The following MALRD1 variants were observed in gnomAD, a reference collection of about 807,000 sequenced individuals.
MALRD1 encodes MAM and LDL receptor class A domain containing 1, also known as MAM and LDL-receptor class A domain-containing protein 1.
A neutral mutation model predicts 242.1 loss-of-function variants in MALRD1; 247 were observed. That is an observed-to-expected ratio of 1.02 (90% CI 0.92 to 1.13). The LOEUF (loss-of-function observed/expected upper bound fraction) is 1.13, where lower values mean the gene tolerates loss of function less well. MALRD1 is among the 50% of genes most tolerant of loss of function. The pLI is 0.00. For missense variants in MALRD1, 2,989 were observed against 2,533.1 expected, an observed-to-expected ratio of 1.18 and a Z score of -3.86; for synonymous variants, 995 against 866.6, an observed-to-expected ratio of 1.15 and a Z score of -2.60.
chr10:19,209,822 G>T (rs187926123), intron 18 of MALRD1, 142 bp downstream of exon 18: 7 of 843,020 alleles, frequency 8.3e-6, no homozygotes, highest in African/African-American at 6.9e-5. Context: ...TTATTTGAGG[G>T]TGTATCAAAG....
At chr10:19,587,476 A>T (rs1589273326) in intron 33 of MALRD1, among the ~76,000 whole-genome samples, 1 of 152,218 alleles carries the variant, frequency 6.6e-6, no homozygotes, top group Non-Finnish European at 1.5e-5. Context: ...TAAACATATT[A>T]ATCATAAAGG....
intron 28 of MALRD1, among the ~76,000 whole-genome samples, chr10:19,430,112 T>G (rs865884044): frequency 4.3e-5 from 1 of 23,288 alleles, no homozygotes; most frequent in Admixed American, 3.2e-4. Context: ...TCCATTTTCC[T>G]TTTTTTTTTT....
At chr10:19,298,502 C>CAAGGGGAA (rs111844021) in intron 21 of MALRD1, among the ~76,000 whole-genome samples, 4,196 of 151,586 alleles carry the variant, frequency 0.028, 89 homozygotes, top group South Asian at 0.068. Flanking sequence ...GGAAGGGAAG[C>CAAGGGGAA]AAGGGGAAAA....
At chr10:19,567,843 A>T (rs1383848271) in intron 33 of MALRD1, 140 bp downstream of exon 33, 1 of 722,224 alleles carries the variant, frequency 1.4e-6, no homozygotes, top group Non-Finnish European at 2.2e-6. Flanking sequence ...ACATATACTA[A>T]GAAGTAAAGT....
At chr10:19,291,149 A>G (rs1049614807) in intron 21 of MALRD1, among the ~76,000 whole-genome samples, 6 of 152,184 alleles carry the variant, frequency 3.9e-5, no homozygotes, top group Non-Finnish European at 8.8e-5. Context: ...AATGTTTAAT[A>G]TTAACACTTT....
At chr10:19,390,319 T>G (rs1020434022) in intron 28 of MALRD1, among the ~76,000 whole-genome samples, 2 of 152,210 alleles carry the variant, frequency 1.3e-5, no homozygotes, top group Non-Finnish European at 2.9e-5. Flanking sequence ...ACATTCTGGT[T>G]CTAAGCACAC....
chr10:19,166,774 A>C (rs568829350), intron 13 of MALRD1, among the ~76,000 whole-genome samples: 1 of 152,170 alleles, frequency 6.6e-6, no homozygotes, highest in Non-Finnish European at 1.5e-5. Flanking sequence ...TCTAATTTCT[A>C]CCTTCCTGTA....
chr10:19,595,568 C>A, intron 34 of MALRD1, 111 bp downstream of exon 34: 1 of 1,216,682 alleles, frequency 8.2e-7, no homozygotes, highest in African/African-American at 1.5e-5. Flanking sequence ...GTGATTGTAT[C>A]ATTAATAACA....
chr10:19,145,653 T>TAAA (rs71507276), intron 10 of MALRD1, among the ~76,000 whole-genome samples: 1 of 134,578 alleles, frequency 7.4e-6, no homozygotes, highest in African/African-American at 2.8e-5. Context: ...GACTCTGCCT[T>TAAA]AAAAAAAAAA....
intron 13 of MALRD1, among the ~76,000 whole-genome samples, chr10:19,168,415 G>T (rs548012444): frequency 6.6e-6 from 1 of 152,188 alleles, no homozygotes. Flanking sequence ...ATCGTTCAGA[G>T]TTTGTCATTA....
At chr10:19,220,158 C>A (rs1837496451) in intron 18 of MALRD1, among the ~76,000 whole-genome samples, 1 of 152,002 alleles carries the variant, frequency 6.6e-6, no homozygotes, top group Non-Finnish European at 1.5e-5. Flanking sequence ...TCTAGCAGGC[C>A]TTTTATATAG....
At chr10:19,471,266 C>T (rs1373440441) in intron 29 of MALRD1, among the ~76,000 whole-genome samples, 5 of 151,758 alleles carry the variant, frequency 3.3e-5, no homozygotes, top group Non-Finnish European at 7.4e-5. Context: ...TTTCTGGGCT[C>T]TTGATTATGT....
At chr10:19,124,812 G>A in intron 7 of MALRD1, 142 bp downstream of exon 7, 3 of 642,526 alleles carry the variant, frequency 4.7e-6, no homozygotes, top group Non-Finnish European at 6.6e-6. Flanking sequence ...AGGAGCTGAA[G>A]GTGAAAATAA....
chr10:19,148,786 A>ATATATATATATATAT (rs1220802758), intron 11 of MALRD1, among the ~76,000 whole-genome samples: 5 of 68,188 alleles, frequency 7.3e-5, no homozygotes, highest in African/African-American at 2.2e-4. Flanking sequence ...AAAAAAAAAA[A>ATATATATATATATAT]AAATATATAT....
chr10:19,331,317 G>C (rs1843357834), intron 23 of MALRD1, 52 bp from the exon 24 acceptor site: 9 of 1,399,974 alleles, frequency 6.4e-6, no homozygotes, highest in African/African-American at 1.4e-5. Context: ...TGTTTGCCCA[G>C]GTTTTGAACT....
chr10:19,202,741 A>G (rs189004513), intron 14 of MALRD1, among the ~76,000 whole-genome samples: 7 of 152,284 alleles, frequency 4.6e-5, no homozygotes, highest in Admixed American at 1.3e-4. Context: ...TCTGTGTAGT[A>G]ACAGCTGAAT....
chr10:19,512,329 C>A (rs1421573104), intron 31 of MALRD1, among the ~76,000 whole-genome samples: 1 of 152,110 alleles, frequency 6.6e-6, no homozygotes, highest in Non-Finnish European at 1.5e-5. Context: ...GCCTCAGTGA[C>A]TATTTGATAA....
At chr10:19,513,360 C>T (rs543951472) in intron 31 of MALRD1, among the ~76,000 whole-genome samples, 1 of 152,088 alleles carries the variant, frequency 6.6e-6, no homozygotes, top group East Asian at 1.9e-4. Context: ...GAGGCCTCAC[C>T]AGAAGCCAAG....
chr10:19,347,624 T>C (rs1844189860), intron 24 of MALRD1, 147 bp from the exon 25 acceptor site: 1 of 946,266 alleles, frequency 1.1e-6, no homozygotes, highest in South Asian at 1.8e-5. Flanking sequence ...CAAACCAAAA[T>C]AGTCTCTTTA....
Sources: gnomAD v4.1 joint callset for allele counts (sites outside exome capture counted in the v4.1 genomes callset) on GRCh38, gnomAD v4.1.1 for gene constraint, MANE v1.5 for transcripts, NCBI Gene and HGNC (gene_info 2026-07-23, HGNC 2026-07-21) for gene names.